PFKP: variants seen among roughly 807,000 people sequenced by gnomAD.
PFKP encodes the protein ATP-dependent 6-phosphofructokinase, platelet type.
A neutral mutation model predicts 94.3 loss-of-function variants in PFKP; 101 were observed. The ratio of observed to expected loss-of-function variants is 1.07; its 90% CI spans 0.91 to 1.26. The LOEUF (loss-of-function observed/expected upper bound fraction) is 1.26, where lower values mean the gene tolerates loss of function less well. Ranked by LOEUF, PFKP falls within the 50% of genes most tolerant of loss-of-function variation. The pLI, the probability that PFKP is intolerant of heterozygous loss-of-function variation, is 0.00. For synonymous variants in PFKP, 573 were observed against 432.6 expected (o/e 1.32, Z -4.03); for missense variants, 1,145 against 1,103.3 (o/e 1.04, Z -0.53).
At chr10:3,114,298 C>G (rs549835698) in intron 13 of PFKP, among the ~76,000 whole-genome samples, 3 of 152,072 alleles carry the variant, frequency 2.0e-5, no homozygotes, top group African/African-American at 7.2e-5. Flanking sequence ...TACAGGCACG[C>G]GCCACCACGC....
intron 2 of PFKP, among the ~76,000 whole-genome samples, chr10:3,098,687 AAAAG>A (rs1206488821): frequency 1.3e-5 from 2 of 151,856 alleles, no homozygotes; most frequent in Admixed American, 6.6e-5. Flanking sequence ...AAAAAAAAAA[AAAAG>A]GTAATTGTCC....
chr10:3,115,130 G>C (rs1192908753), intron 13 of PFKP, among the ~76,000 whole-genome samples: 1 of 152,212 alleles, frequency 6.6e-6, no homozygotes, highest in Non-Finnish European at 1.5e-5. Flanking sequence ...ACATGGAAAG[G>C]GTAGAGTTGC....
In PFKP at chr10:3,103,879, C is replaced by T. The variant is rs140594448; in HGVS notation, c.555C>T (p.Ile185=). 3.3e-4 allele frequency: 527 copies of T among 1,614,022 alleles called. 1 individual carries two copies. Among genetic ancestry groups the T allele is most frequent in the Middle Eastern group, 1.5e-3 (9 of 6,062 alleles). ...DNDFCGTDMT[I]GTDSALHRII... ...ATTTCTGCGGCACCGACATGACCATCGGCACGGACTCCGCCCTGCACAGGA... is the reference window on the plus strand; with the variant it reads ...ATTTCTGCGGCACCGACATGACCATTGGCACGGACTCCGCCCTGCACAGGA... Residue 185 remains isoleucine (I), a synonymous_variant, in exon 5 of 22, where the codon ATC becomes ATT. Transcript: ENST00000381125.
intron 15 of PFKP, among the ~76,000 whole-genome samples, chr10:3,119,109 C>T (rs1232220394): frequency 7.1e-6 from 1 of 141,692 alleles, no homozygotes; most frequent in African/African-American, 2.7e-5. Context: ...TAACCCGGGC[C>T]TCATCTATTC....
intron 2 of PFKP, among the ~76,000 whole-genome samples, chr10:3,092,586 G>A (rs542122158): frequency 4.2e-4 from 64 of 152,194 alleles, no homozygotes; most frequent in African/African-American, 1.4e-3. Flanking sequence ...AGACACCCCA[G>A]TACCCTAATT....
At chr10:3,084,025 T>C (rs1013278198) in intron 2 of PFKP, among the ~76,000 whole-genome samples, 8 of 152,236 alleles carry the variant, frequency 5.3e-5, no homozygotes, top group Admixed American at 5.2e-4. Context: ...CCACCATTCC[T>C]GTGGTATTGC....
rs577221107 is a variant in PFKP, at chr10:3,072,827, C to T, written c.112+5120C>T. On this transcript the variant is annotated intron_variant, in intron 1 of 21. Coordinates refer to ENST00000381125, the MANE Select transcript of PFKP (RefSeq NM_002627.5). Reference sequence around the variant, plus strand: ...AATTAGAAAGGTGAAGATACGGTAACGTAGTCAGGACAAACATCAGGATAC... The same window carrying T: ...AATTAGAAAGGTGAAGATACGGTAATGTAGTCAGGACAAACATCAGGATAC... Among the ~76,000 whole-genome samples, 46 of 152,010 alleles carry T rather than the reference C, an allele frequency of 3.0e-4. 2 individuals carry two copies. The South Asian group carries it at 9.1e-3, about 30-fold the overall frequency.
intron 2 of PFKP, among the ~76,000 whole-genome samples, chr10:3,090,220 C>G (rs1833936637): frequency 6.6e-6 from 1 of 152,162 alleles, no homozygotes; most frequent in Admixed American, 6.5e-5. Context: ...TTTTTAAAAT[C>G]CCAAGTCTTC....
chr10:3,100,504 G>A (rs12267216), intron 3 of PFKP, among the ~76,000 whole-genome samples: 9,420 of 152,204 alleles, frequency 0.062, 649 homozygotes, highest in African/African-American at 0.17. Context: ...AGCTGTGTGC[G>A]TGCACCATTG....
At chr10:3,131,182 G>A (rs1002044379) in intron 17 of PFKP, among the ~76,000 whole-genome samples, 4 of 152,120 alleles carry the variant, frequency 2.6e-5, no homozygotes, top group African/African-American at 9.7e-5. Flanking sequence ...ATCTAGACAT[G>A]TTTAGATACA....
At chr10:3,071,619 C>T (rs912563534) in intron 1 of PFKP, among the ~76,000 whole-genome samples, 1 of 152,130 alleles carries the variant, frequency 6.6e-6, no homozygotes, top group Non-Finnish European at 1.5e-5. Flanking sequence ...AAGAGTGACT[C>T]ATTGTCTTAG....
chr10:3,101,103 T>C, intron 3 of PFKP: 1 of 957,552 alleles, frequency 1.0e-6, no homozygotes, highest in Non-Finnish European at 1.7e-6. Flanking sequence ...CTCCATGTAT[T>C]TAACTGCTGG....
rs1274858919 is a variant in PFKP, at chr10:3,118,758, C to A, written c.1443-24C>A. 4 of 1,583,984 alleles carry A rather than the reference C, an allele frequency of 2.5e-6. No homozygotes were observed. In the East Asian group the frequency reaches 6.7e-5, roughly 27 times the overall value. On this transcript the variant is annotated intron_variant, in intron 14 of 21. Coordinates refer to ENST00000381125, the MANE Select transcript of PFKP (RefSeq NM_002627.5). ...GCGTGGAGTTTGGGGTGTCTGACAT[C>A]GTTCTCCACGTGGCTATTTTCAGCG...
chr10:3,102,386 T>C (rs906149191), intron 4 of PFKP, among the ~76,000 whole-genome samples: 14 of 151,650 alleles, frequency 9.2e-5, no homozygotes, highest in African/African-American at 3.4e-4. Flanking sequence ...CCTGTGTGTA[T>C]GTGGTTTATT....
At chr10:3,136,310 A>AACC (rs1839329487) in intron 21 of PFKP, 140 bp from the exon 22 acceptor site, 1 of 731,286 alleles carries the variant, frequency 1.4e-6, no homozygotes, top group Non-Finnish European at 2.3e-6. Context: ...TTGATCCTGA[A>AACC]ATTGGCTTTA....
At chr10:3,075,012 A>G (rs1243857381) in intron 1 of PFKP, among the ~76,000 whole-genome samples, 1 of 152,204 alleles carries the variant, frequency 6.6e-6, no homozygotes, top group Non-Finnish European at 1.5e-5. Flanking sequence ...ACAGATATCA[A>G]ATTAACTAAA....
At chr10:3,087,358 C>T (rs948281955) in intron 2 of PFKP, among the ~76,000 whole-genome samples, 2 of 152,090 alleles carry the variant, frequency 1.3e-5, no homozygotes, top group African/African-American at 2.4e-5. Context: ...ACTCCATGGC[C>T]GCAGGTGCTG....
chr10:3,094,326 T>C (rs1834311873), intron 2 of PFKP, among the ~76,000 whole-genome samples: 1 of 152,248 alleles, frequency 6.6e-6, no homozygotes, highest in African/African-American at 2.4e-5. Flanking sequence ...AAATACATCA[T>C]GCTGTTGCAT....
chr10:3,136,618 T>G lies in PFKP; in HGVS notation c.*39T>G. ...GCATGTGCCTGCAGCCACCGTGGAC[T>G]GTCTGTTTTTGTAACACTTAAGTTA... On this transcript the variant is annotated 3_prime_UTR_variant, in exon 22 of 22. Coordinates refer to ENST00000381125, the MANE Select transcript of PFKP (RefSeq NM_002627.5). 6 of 1,600,948 alleles carry G rather than the reference T, an allele frequency of 3.7e-6. No homozygotes were observed. The highest frequency in any genetic ancestry group is 5.1e-6 in the Non-Finnish European group (6 of 1,170,760).
Sources: allele counts gnomAD v4.1 joint callset (sites outside exome capture counted in the v4.1 genomes callset), GRCh38; gene constraint gnomAD v4.1.1; transcripts MANE v1.5; gene names NCBI Gene and HGNC (gene_info 2026-07-23, HGNC 2026-07-21).